WLS: variants seen among roughly 807,000 people sequenced by gnomAD.
WLS encodes the protein Wnt ligand secretion mediator, also known as protein wntless homolog.
Under a neutral mutation model 62.8 loss-of-function variants are expected in WLS, and 23 were observed. The observed-to-expected ratio is 0.37, with a 90% CI of 0.26 to 0.52. The LOEUF is 0.52. Ranked by LOEUF, WLS falls within the 20% of genes least tolerant of loss-of-function variation. The pLI is 0.92. For synonymous variants in WLS, 246 were observed against 244.1 expected (o/e 1.01, Z -0.07); for missense variants, 615 against 697.3 (o/e 0.88, Z 1.33).
intron 2 of WLS, among the ~76,000 whole-genome samples, chr1:68,173,882 A>T (rs182288567): frequency 6.6e-4 from 100 of 152,256 alleles, no homozygotes; most frequent in African/African-American, 2.3e-3. Context: ...AAGATAAATA[A>T]ATGAGTTTTT....
chr1:68,194,624 C>T (rs1176833464), intron 1 of WLS, among the ~76,000 whole-genome samples: 3 of 152,130 alleles, frequency 2.0e-5, no homozygotes, highest in South Asian at 2.1e-4. Context: ...AACCTGGATT[C>T]GAAGCCTGGT....
chr1:68,194,282 T>G, intron 1 of WLS, 55 bp from the exon 2 acceptor site: 1 of 1,584,314 alleles, frequency 6.3e-7, no homozygotes, highest in Non-Finnish European at 8.6e-7. Flanking sequence ...AACTACTGTT[T>G]CTGGTTAATA....
downstream of WLS, among the ~76,000 whole-genome samples, chr1:68,123,515 A>AC (rs1253134900): frequency 6.6e-6 from 1 of 150,474 alleles, no homozygotes; most frequent in African/African-American, 2.5e-5. Context: ...AATCTGCTGG[A>AC]CCCCTCAGTT....
intron 3 of WLS, among the ~76,000 whole-genome samples, chr1:68,156,106 C>T: frequency 6.6e-6 from 1 of 152,096 alleles, no homozygotes; most frequent in East Asian, 1.9e-4. Context: ...CTCACCAGGA[C>T]TCCCGGCTGT....
intron 1 of WLS, among the ~76,000 whole-genome samples, chr1:68,210,147 G>A (rs762555755): frequency 7.2e-5 from 11 of 152,154 alleles, no homozygotes; most frequent in Non-Finnish European, 1.5e-5. Flanking sequence ...TGAATTTTCT[G>A]CAGAAAATAG....
chr1:68,112,203 G>C (rs1022665516), intron 11 of WLS, among the ~76,000 whole-genome samples: 4 of 152,226 alleles, frequency 2.6e-5, no homozygotes, highest in Non-Finnish European at 5.9e-5. Context: ...GATGAGAGGA[G>C]TGACAACTGT....
intron 1 of WLS, among the ~76,000 whole-genome samples, chr1:68,222,150 A>C (rs1649967752): frequency 1.3e-5 from 2 of 152,216 alleles, no homozygotes; most frequent in Non-Finnish European, 2.9e-5. Flanking sequence ...AGACTGATAA[A>C]GTCTTAAAAC....
Position 68,144,660 on chromosome 1 carries a change from AAAAG to A in WLS, c.1279-12_1279-9del. 1 of 1,611,614 alleles carries A rather than the reference AAAAG, an allele frequency of 6.2e-7. No individual in the cohort carries two copies. ...GAACCTAAAAATTAGCCCCTATTAG[AAAAG>A]AAAGAGTAGTTTAATACTCCATCAG... On this transcript the variant is annotated splice_polypyrimidine_tract_variant and intron_variant, in intron 9 of 11. Transcript: ENST00000262348.
chr1:68,121,775 C>T (rs12740674), downstream of WLS, among the ~76,000 whole-genome samples: 52,222 of 152,038 alleles, frequency 0.34, 10,561 homozygotes, highest in Non-Finnish European at 0.45. Context: ...CTCAGGGTCA[C>T]GCAGCAGAGA....
At chr1:68,108,993 TATAAA>T (rs1646184461) in intron 11 of WLS, among the ~76,000 whole-genome samples, 1 of 152,262 alleles carries the variant, frequency 6.6e-6, no homozygotes, top group Non-Finnish European at 1.5e-5. Context: ...TGCTTAGTGC[TATAAA>T]ATAAAGACAA....
At chr1:68,105,466 C>T (rs1646130767) in intron 11 of WLS, among the ~76,000 whole-genome samples, 1 of 151,982 alleles carries the variant, frequency 6.6e-6, no homozygotes, top group Non-Finnish European at 1.5e-5. Context: ...AAGGTGCCAC[C>T]TCATTGTAGA....
intron 1 of WLS, among the ~76,000 whole-genome samples, chr1:68,208,360 C>T (rs889744866): frequency 2.6e-5 from 4 of 152,144 alleles, no homozygotes; most frequent in South Asian, 2.1e-4. Context: ...ACCTGCCCCC[C>T]GATGAGGATT....
At chr1:68,138,685 G>A (rs1207061235) in intron 10 of WLS, among the ~76,000 whole-genome samples, 5 of 152,170 alleles carry the variant, frequency 3.3e-5, no homozygotes, top group Non-Finnish European at 7.3e-5. Context: ...GCTGCCTAAA[G>A]ATATATGGAT....
intron 1 of WLS, among the ~76,000 whole-genome samples, chr1:68,219,694 T>C (rs1256629169): frequency 6.6e-6 from 1 of 152,208 alleles, no homozygotes; most frequent in African/African-American, 2.4e-5. Flanking sequence ...TATTAGACCA[T>C]CATTATTCTC....
At chr1:68,150,074 C>T in intron 6 of WLS, 114 bp downstream of exon 6, 1 of 1,097,340 alleles carries the variant, frequency 9.1e-7, no homozygotes. Context: ...CTTGTAACTA[C>T]TAGTTTATTC....
At chr1:68,165,951 G>A (rs1480096764) in intron 2 of WLS, among the ~76,000 whole-genome samples, 1 of 152,186 alleles carries the variant, frequency 6.6e-6, no homozygotes, top group East Asian at 1.9e-4. Flanking sequence ...CAGAGCAGGT[G>A]CCTCACAGAG....
At chr1:68,218,772 T>A (rs973158106) in intron 1 of WLS, among the ~76,000 whole-genome samples, 53 of 152,328 alleles carry the variant, frequency 3.5e-4, no homozygotes, top group Middle Eastern at 3.4e-3. Flanking sequence ...AATGTGCGAA[T>A]GAATTCATTC....
At chr1:68,222,913 G>A (rs1273806129) in intron 1 of WLS, among the ~76,000 whole-genome samples, 2 of 144,004 alleles carry the variant, frequency 1.4e-5, no homozygotes, top group African/African-American at 5.1e-5. Context: ...GGGTGGGGGT[G>A]GGGGTGGGGG....
chr1:68,173,455 C>T (rs1647185006), intron 2 of WLS, among the ~76,000 whole-genome samples: 1 of 152,096 alleles, frequency 6.6e-6, no homozygotes, highest in East Asian at 1.9e-4. Context: ...GAGAAGACAG[C>T]TTCATTCACA....
Sources: gnomAD v4.1 joint callset for allele counts (sites outside exome capture counted in the v4.1 genomes callset) on GRCh38, gnomAD v4.1.1 for gene constraint, MANE v1.5 for transcripts, NCBI Gene and HGNC (gene_info 2026-07-23, HGNC 2026-07-21) for gene names.